Variants in XPR1 observed in about 807,000 individuals in gnomAD.
XPR1 encodes the protein solute carrier family 53 member 1.
XPR1 carries 28 observed loss-of-function variants against 87.5 expected under a neutral mutation model. The observed-to-expected ratio is 0.32, with a 90% CI of 0.24 to 0.44. XPR1 has a LOEUF of 0.44. Among genes scored for constraint, XPR1 ranks in the 20% least tolerant of loss-of-function variants. XPR1 has a pLI of 1.00. For missense variants in XPR1, 559 were observed against 862.3 expected, an observed-to-expected ratio of 0.65 and a Z score of 4.41; for synonymous variants, 300 against 306.1, an observed-to-expected ratio of 0.98 and a Z score of 0.21.
chr1:180,704,245 G>GAT (rs35751561), intron 2 of XPR1, among the ~76,000 whole-genome samples: 6,810 of 65,908 alleles, frequency 0.1, 492 homozygotes, highest in East Asian at 0.35. Context: ...ATAGGTGCTG[G>GAT]ATATATATAT....
intron 2 of XPR1, among the ~76,000 whole-genome samples, chr1:180,746,915 G>GC (rs1647277445): frequency 6.6e-6 from 1 of 151,958 alleles, no homozygotes; most frequent in Non-Finnish European, 1.5e-5. Context: ...TATAAAATGC[G>GC]CATCTACCTA....
At chr1:180,781,589 G>A (rs1648939941) in intron 2 of XPR1, among the ~76,000 whole-genome samples, 1 of 149,498 alleles carries the variant, frequency 6.7e-6, no homozygotes, top group Non-Finnish European at 1.5e-5. Context: ...TACCTTGATT[G>A]GTACTCTTTT....
chr1:180,778,526 A>G (rs993427021), intron 2 of XPR1, among the ~76,000 whole-genome samples: 1 of 152,180 alleles, frequency 6.6e-6, no homozygotes, highest in African/African-American at 2.4e-5. Context: ...TGGAGCAGGT[A>G]GTGGGAAGGA....
intron 2 of XPR1, among the ~76,000 whole-genome samples, chr1:180,737,869 T>C (rs1390059932): frequency 6.6e-6 from 1 of 152,194 alleles, no homozygotes; most frequent in African/African-American, 2.4e-5. Flanking sequence ...ATGTGGGTTG[T>C]TTCCAGTTTT....
intron 2 of XPR1, among the ~76,000 whole-genome samples, chr1:180,709,340 A>G (rs1329031228): frequency 6.6e-6 from 1 of 152,246 alleles, no homozygotes; most frequent in Non-Finnish European, 1.5e-5. Flanking sequence ...GTGCAATTTG[A>G]TAAGTTATGA....
At chr1:180,813,046 C>CA (rs201278750) in intron 7 of XPR1, among the ~76,000 whole-genome samples, 2 of 145,784 alleles carry the variant, frequency 1.4e-5, no homozygotes, top group South Asian at 2.4e-4. Context: ...TTTTTCCCCC[C>CA]CCCCAATGGA....
chr1:180,634,166 T>C (rs1191655189), intron 1 of XPR1, among the ~76,000 whole-genome samples: 4 of 152,338 alleles, frequency 2.6e-5, no homozygotes, highest in East Asian at 3.9e-4. Context: ...ATGTTTACTG[T>C]AGGTTGGTCA....
intron 11 of XPR1, among the ~76,000 whole-genome samples, chr1:180,841,491 A>G (rs1440278035): frequency 6.6e-6 from 1 of 151,980 alleles, no homozygotes; most frequent in East Asian, 1.9e-4. Context: ...ATCCCCTTAG[A>G]CTCTTAACAT....
intron 2 of XPR1, among the ~76,000 whole-genome samples, chr1:180,737,638 A>G (rs1472233167): frequency 2.6e-5 from 4 of 152,200 alleles, no homozygotes; most frequent in African/African-American, 9.7e-5. Flanking sequence ...AACCCGCGCC[A>G]GCTGCTGATC....
At chr1:180,823,258 G>A (rs998891925) in intron 7 of XPR1, among the ~76,000 whole-genome samples, 2 of 149,792 alleles carry the variant, frequency 1.3e-5, no homozygotes, top group Non-Finnish European at 3.0e-5. Context: ...AAAAACAAAA[G>A]TTTGTATGTA....
At chr1:180,674,561 C>CTT (rs11382033) in intron 1 of XPR1, among the ~76,000 whole-genome samples, 7 of 145,924 alleles carry the variant, frequency 4.8e-5, no homozygotes, top group African/African-American at 1.7e-4. Flanking sequence ...ACCCAGCCAA[C>CTT]TTTTTTTTTT....
At chr1:180,862,065 TTAA>T (rs1364513839) in intron 11 of XPR1, among the ~76,000 whole-genome samples, 1 of 152,168 alleles carries the variant, frequency 6.6e-6, no homozygotes, top group African/African-American at 2.4e-5. Flanking sequence ...AAGTTAATTT[TTAA>T]TAATGACTGA....
intron 2 of XPR1, among the ~76,000 whole-genome samples, chr1:180,713,811 G>A (rs143855575): frequency 1.0e-3 from 157 of 151,978 alleles, no homozygotes; most frequent in Non-Finnish European, 1.7e-3. Flanking sequence ...TATTTATATG[G>A]GATATTGTTC....
chr1:180,781,110 C>T (rs1390365087), intron 2 of XPR1, among the ~76,000 whole-genome samples: 7 of 151,060 alleles, frequency 4.6e-5, no homozygotes, highest in African/African-American at 1.2e-4. Context: ...TTTTTGTATC[C>T]GTGTGGGAGT....
intron 2 of XPR1, among the ~76,000 whole-genome samples, chr1:180,749,053 T>G (rs1367305095): frequency 6.6e-6 from 1 of 152,158 alleles, no homozygotes; most frequent in Non-Finnish European, 1.5e-5. Context: ...TTTAAAAAAT[T>G]AGCCAGGCGT....
At chr1:180,807,821 A>G (rs879905503) in intron 6 of XPR1, among the ~76,000 whole-genome samples, 9 of 152,292 alleles carry the variant, frequency 5.9e-5, no homozygotes, top group Non-Finnish European at 8.8e-5. Context: ...CCTGGCCAAC[A>G]TGATGAAACC....
chr1:180,643,187 C>T (rs1046348338), intron 1 of XPR1, among the ~76,000 whole-genome samples: 1 of 152,082 alleles, frequency 6.6e-6, no homozygotes, highest in Non-Finnish European at 1.5e-5. Context: ...TTGGAGGATA[C>T]TTTGGAGAGT....
At chr1:180,868,545 G>A in intron 12 of XPR1, among the ~76,000 whole-genome samples, 3 of 88,660 alleles carry the variant, frequency 3.4e-5, no homozygotes, top group East Asian at 2.5e-4. Flanking sequence ...TTGTAAGTTG[G>A]ATTCCTAGGT....
At chr1:180,785,294 A>G (rs1335762613) in intron 2 of XPR1, among the ~76,000 whole-genome samples, 1 of 151,926 alleles carries the variant, frequency 6.6e-6, no homozygotes, top group Non-Finnish European at 1.5e-5. Flanking sequence ...CTAGGATTAC[A>G]GGCACGAGCC....
Sources: allele counts gnomAD v4.1 joint callset (sites outside exome capture counted in the v4.1 genomes callset), GRCh38; gene constraint gnomAD v4.1.1; transcripts MANE v1.5; gene names NCBI Gene and HGNC (gene_info 2026-07-23, HGNC 2026-07-21).